ZEB1: variants seen among roughly 807,000 people sequenced by gnomAD.
The protein encoded by ZEB1 is zinc finger E-box binding homeobox 1.
In ZEB1, 21 loss-of-function variants were observed where a neutral mutation model predicts 84.9. That is an observed-to-expected ratio of 0.25 (90% CI 0.18 to 0.36). ZEB1 has a LOEUF of 0.36. Ranked by LOEUF, ZEB1 falls within the 10% of genes least tolerant of loss-of-function variation. ZEB1 has a pLI of 1.00. For synonymous variants in ZEB1, 420 were observed against 471.1 expected (o/e 0.89, Z 1.41); for missense variants, 1,104 against 1,330.2 (o/e 0.83, Z 2.65).
chr10:31,350,164 T>C (rs1193648214), intron 1 of ZEB1, among the ~76,000 whole-genome samples: 1 of 152,088 alleles, frequency 6.6e-6, no homozygotes, highest in African/African-American at 2.4e-5. Flanking sequence ...ACACCATTTA[T>C]TGAGGAGACT....
chr10:31,430,741 G>A (rs2057610742), intron 1 of ZEB1, among the ~76,000 whole-genome samples: 1 of 152,060 alleles, frequency 6.6e-6, no homozygotes, highest in African/African-American at 2.4e-5. Context: ...TCAGTCTATG[G>A]AAATATATTT....
chr10:31,480,845 T>C (rs2064953787), intron 2 of ZEB1, among the ~76,000 whole-genome samples: 1 of 152,104 alleles, frequency 6.6e-6, no homozygotes, highest in South Asian at 2.1e-4. Flanking sequence ...CTTAGGTAAT[T>C]TCTTGTTTTC....
intron 1 of ZEB1, among the ~76,000 whole-genome samples, chr10:31,360,803 T>C (rs1435449716): frequency 1.3e-5 from 2 of 152,230 alleles, no homozygotes; most frequent in Non-Finnish European, 2.9e-5. Context: ...CTAGAAATCA[T>C]ATATACACTT....
chr10:31,474,610 G>A (rs1050737392), intron 2 of ZEB1, among the ~76,000 whole-genome samples: 2,583 of 152,250 alleles, frequency 0.017, 63 homozygotes, highest in African/African-American at 0.059. Flanking sequence ...TACACTGTTG[G>A]TGGGACTGTA....
In ZEB1 at chr10:31,486,927, C is replaced by G. The variant is rs536103639; in HGVS notation, c.260-8849C>G. Among the ~76,000 whole-genome samples the G allele has an allele frequency of 2.4e-4, 37 of 151,360 alleles. No homozygotes were observed. The South Asian group carries it at 7.1e-3, about 29-fold the overall frequency. On this transcript the variant is annotated intron_variant, in intron 2 of 8. Transcript: ENST00000424869. Reference sequence around the variant, plus strand: ...TTATTAGGGCTTGTTGTATTTTGACCTAATTTTTTTATAAGATGTTAGATT... The same window carrying G: ...TTATTAGGGCTTGTTGTATTTTGACGTAATTTTTTTATAAGATGTTAGATT...
chr10:31,430,083 C>T (rs1347103327), intron 1 of ZEB1, among the ~76,000 whole-genome samples: 1 of 152,168 alleles, frequency 6.6e-6, no homozygotes, highest in East Asian at 1.9e-4. Context: ...ATATAAGATT[C>T]TGACATTCTG....
At chr10:31,394,757 T>G (rs2050388729) in intron 1 of ZEB1, among the ~76,000 whole-genome samples, 3 of 152,208 alleles carry the variant, frequency 2.0e-5, no homozygotes, top group Admixed American at 2.0e-4. Flanking sequence ...TACTACAGAT[T>G]TGCATTTTTC....
At chr10:31,525,858 T>C (rs2073328322) in intron 8 of ZEB1, among the ~76,000 whole-genome samples, 1 of 152,206 alleles carries the variant, frequency 6.6e-6, no homozygotes. Context: ...GAAAATCCCC[T>C]TCCTCTTCAG....
Position 31,521,917 on chromosome 10 carries a change from T to A in ZEB1, c.2585T>A (p.Ile862Asn), listed in dbSNP as rs1200777635. 1 of 1,614,044 alleles carries A rather than the reference T, an allele frequency of 6.2e-7. No individual in the cohort carries two copies. The highest frequency in any genetic ancestry group is 1.7e-5 in the Admixed American group (1 of 60,006). Residue 862 changes from isoleucine to asparagine, a missense_variant, in exon 7 of 9, where the codon ATC (isoleucine) becomes AAC (asparagine). Ile to Asn is a moderately radical substitution (Grantham distance 149, BLOSUM62 -3). This residue lies in a region of ZEB1 where 531 missense variants were observed against 575.2 expected (regional missense o/e 0.92). Coordinates refer to ENST00000424869, the MANE Select transcript of ZEB1 (RefSeq NM_001174096.2). ...PAVQEPPLKV[I>N]QPNGNQDERQ... ...GTCCAAGAACCACCCTTGAAAGTGA[T>A]CCAGCCAAATGGAAATCAGGTAAAA...
rs573632084 is a variant in ZEB1 at position 31,347,020 on chromosome 10, A to G, written c.58+27728A>G. ...TCTTAAAAACACTTGGAAGATATTT[A>G]TTACAGTTTTCCAAAGTAAGATAAA... On this transcript the variant is annotated intron_variant, in intron 1 of 8. Transcript: ENST00000424869. Among the ~76,000 whole-genome samples the G allele has an allele frequency of 3.3e-5, 5 of 152,280 alleles. No homozygotes were observed. The South Asian group carries it at 1.0e-3, about 32-fold the overall frequency.
rs1198508056 is a variant in ZEB1 at position 31,387,849 on chromosome 10, T to A, written c.58+68557T>A. On this transcript the variant is annotated intron_variant, in intron 1 of 8. Transcript: ENST00000424869. ...TCAGATCTTAATTGAAAAATATTAC[T>A]TAAAACTTGAAAAAATTACTTAAAA... is the stretch of plus-strand genomic sequence containing the variant. 4 of 808,830 alleles carry A rather than the reference T, an allele frequency of 4.9e-6. No homozygotes were observed. The South Asian group carries it at 1.7e-4, about 34-fold the overall frequency. The allele number at this position is 808,830 out of a possible 1,614,324, so 50.1% of individuals were successfully genotyped here. A position where few individuals can be genotyped will look rare whatever the true frequency, so the allele number is the denominator to read the frequency against.
At chr10:31,448,085 C>T (rs1289420560) in intron 1 of ZEB1, among the ~76,000 whole-genome samples, 1 of 146,594 alleles carries the variant, frequency 6.8e-6, no homozygotes, top group Non-Finnish European at 1.5e-5. Flanking sequence ...CACATAGTCC[C>T]ATATTTCTTG....
rs541776825 is a variant in ZEB1 at position 31,456,016 on chromosome 10, A to C, written c.59-5021A>C. ...AGACTTGGAACCAACCCAAATGTCC[A>C]TCAATAATAGACTGGATAAAGAAAA... On this transcript the variant is annotated intron_variant, in intron 1 of 8. Coordinates refer to ENST00000424869, the MANE Select transcript of ZEB1 (RefSeq NM_001174096.2). 3.3e-4 allele frequency among the ~76,000 whole-genome samples: 51 copies of C among 152,362 alleles called. No individual in the cohort carries two copies. In the Middle Eastern group the frequency reaches 0.017, roughly 51 times the overall value.
At chr10:31,488,029 A>G (rs1175312187) in intron 2 of ZEB1, among the ~76,000 whole-genome samples, 3 of 151,160 alleles carry the variant, frequency 2.0e-5, no homozygotes, top group African/African-American at 7.3e-5. Flanking sequence ...GTCGATGTTC[A>G]TAAGGTATGT....
intron 3 of ZEB1, among the ~76,000 whole-genome samples, chr10:31,497,542 A>C (rs377024451): frequency 1.2e-3 from 184 of 152,252 alleles, no homozygotes; most frequent in African/African-American, 4.3e-3. Context: ...AGCTCCAGTG[A>C]GTGTAGCTTT....
intron 1 of ZEB1, among the ~76,000 whole-genome samples, chr10:31,323,076 T>C (rs1472020834): frequency 6.6e-6 from 1 of 151,976 alleles, no homozygotes; most frequent in Admixed American, 6.5e-5. Flanking sequence ...TTGAATAATT[T>C]TATAAATTTG....
At chr10:31,483,753 A>G (rs1311434070) in intron 2 of ZEB1, among the ~76,000 whole-genome samples, 1 of 152,002 alleles carries the variant, frequency 6.6e-6, no homozygotes, top group Non-Finnish European at 1.5e-5. Flanking sequence ...TCTCTGTTCT[A>G]TAAATATTTA....
chr10:31,452,375 A>G (rs550939237), intron 1 of ZEB1, among the ~76,000 whole-genome samples: 2 of 152,280 alleles, frequency 1.3e-5, no homozygotes, highest in East Asian at 3.9e-4. Flanking sequence ...CAGTTCGGTC[A>G]AAAGTCAGAT....
At chr10:31,461,334 C>A in intron 2 of ZEB1, 97 bp downstream of exon 2, 2 of 1,330,268 alleles carry the variant, frequency 1.5e-6, no homozygotes, top group African/African-American at 1.5e-5. Flanking sequence ...AGTTTGAAAT[C>A]AATAGTAAAT....
Sources: allele counts gnomAD v4.1 joint callset (sites outside exome capture counted in the v4.1 genomes callset), GRCh38; gene constraint gnomAD v4.1.1; regional missense constraint gnomAD v4.1.1; transcripts MANE v1.5; gene names NCBI Gene and HGNC (gene_info 2026-07-23, HGNC 2026-07-21).